GXYLT1: variants seen among roughly 807,000 people sequenced by gnomAD.
GXYLT1 encodes the protein glucoside xylosyltransferase 1.
A neutral mutation model predicts 54.0 loss-of-function variants in GXYLT1; 29 were observed. The ratio of observed to expected loss-of-function variants is 0.54; its 90% CI spans 0.40 to 0.73. GXYLT1 has a LOEUF of 0.73. GXYLT1 is among the 30% of genes least tolerant of loss of function. GXYLT1 has a pLI of 0.00. For missense variants in GXYLT1, 490 were observed against 553.4 expected (o/e 0.89, Z 1.15); for synonymous variants, 176 against 204.1 (o/e 0.86, Z 1.17).
chr12:42,101,305 A>G (rs2065388711), intron 5 of GXYLT1, among the ~76,000 whole-genome samples: 2 of 152,202 alleles, frequency 1.3e-5, no homozygotes, highest in Non-Finnish European at 2.9e-5. Context: ...AATTATAAGA[A>G]AAGATTTTTA....
At chr12:42,100,156 G>A (rs1234199929) in intron 5 of GXYLT1, among the ~76,000 whole-genome samples, 1 of 152,138 alleles carries the variant, frequency 6.6e-6, no homozygotes, top group East Asian at 1.9e-4. Flanking sequence ...GTTGGAAGGG[G>A]TAGAAGTGAA....
At chr12:42,134,190 G>C (rs535904110) in intron 1 of GXYLT1, among the ~76,000 whole-genome samples, 10 of 152,008 alleles carry the variant, frequency 6.6e-5, no homozygotes, top group African/African-American at 1.9e-4. Context: ...AACAGAGTGA[G>C]ACCCTCTCTG....
chr12:42,129,656 TATA>T, intron 2 of GXYLT1, 100 bp downstream of exon 2: 1 of 696,400 alleles, frequency 1.4e-6, no homozygotes, highest in Non-Finnish European at 2.4e-6. Flanking sequence ...AAATTATTTG[TATA>T]ATATCATAAG....
intron 2 of GXYLT1, among the ~76,000 whole-genome samples, chr12:42,120,207 T>C (rs910561759): frequency 5.9e-5 from 9 of 152,156 alleles, no homozygotes; most frequent in Admixed American, 1.3e-4. Flanking sequence ...CAACCAACAG[T>C]TCACTGTAAA....
chr12:42,107,583 C>T (rs777539538), intron 4 of GXYLT1, among the ~76,000 whole-genome samples: 6 of 151,924 alleles, frequency 3.9e-5, no homozygotes, highest in East Asian at 1.9e-4. Flanking sequence ...CCAAGCTACT[C>T]GGGAGGCTGG....
At chr12:42,137,220 A>C (rs2065624681) in intron 1 of GXYLT1, among the ~76,000 whole-genome samples, 1 of 152,202 alleles carries the variant, frequency 6.6e-6, no homozygotes, top group South Asian at 2.1e-4. Context: ...TAAAAATACA[A>C]AAATTAGGCC....
At chr12:42,093,771 T>TC (rs1476319981) in intron 7 of GXYLT1, among the ~76,000 whole-genome samples, 4 of 151,826 alleles carry the variant, frequency 2.6e-5, no homozygotes, top group Non-Finnish European at 5.9e-5. Context: ...GGTCTTGAAT[T>TC]CCTGAGCTTG....
intron 3 of GXYLT1, among the ~76,000 whole-genome samples, chr12:42,112,382 TA>T (rs1019354400): frequency 6.6e-6 from 1 of 151,882 alleles, no homozygotes; most frequent in Non-Finnish European, 1.5e-5. Context: ...GCAAAGAAAT[TA>T]AAAGCTTTGA....
chr12:42,110,564 A>C (rs2065447263), intron 3 of GXYLT1, among the ~76,000 whole-genome samples: 1 of 152,074 alleles, frequency 6.6e-6, no homozygotes, highest in African/African-American at 2.4e-5. Context: ...TATTGTTTTG[A>C]GACAAGGTCT....
chr12:42,137,120 T>C (rs1191022700), intron 1 of GXYLT1, among the ~76,000 whole-genome samples: 2 of 152,002 alleles, frequency 1.3e-5, no homozygotes, highest in Non-Finnish European at 2.9e-5. Flanking sequence ...ATGTCCAAGA[T>C]AGGAGGCTTC....
At chr12:42,122,559 C>A (rs2065537416) in intron 2 of GXYLT1, among the ~76,000 whole-genome samples, 1 of 152,170 alleles carries the variant, frequency 6.6e-6, no homozygotes, top group Non-Finnish European at 1.5e-5. Flanking sequence ...CATTGCACTA[C>A]AGTCTGGGCA....
rs990611255 is a variant in GXYLT1, at chr12:42,137,040, T to C, written c.222-7189A>G. Among the ~76,000 whole-genome samples, 9 of 152,218 alleles carry C rather than the reference T, an allele frequency of 5.9e-5. No homozygotes were observed. In the South Asian group the frequency reaches 1.9e-3, roughly 32 times the overall value. On this transcript the variant is annotated intron_variant, in intron 1 of 7. Coordinates refer to ENST00000398675, the MANE Select transcript of GXYLT1 (RefSeq NM_173601.2). ...ACCCACCTTTGCCTCCCTGCTAGGA[T>C]TACAGGTACGAGCCACCATGCCTGG...
rs1260568083 is a variant in GXYLT1, at chr12:42,083,145, GTCTT to G, written c.*4637_*4640del. 3 of 151,848 alleles carry G rather than the reference GTCTT, an allele frequency of 2.0e-5. No homozygotes were observed. The highest frequency in any genetic ancestry group is 1.5e-5 in the Non-Finnish European group (1 of 67,988). The allele number at this position is 151,848 out of a possible 1,614,324, so 9.4% of individuals were successfully genotyped here. On this transcript the variant is annotated 3_prime_UTR_variant, in exon 8 of 8. Coordinates refer to ENST00000398675, the MANE Select transcript of GXYLT1 (RefSeq NM_173601.2). The stretch of plus-strand genomic sequence containing the variant: ...ATATGCTATTCTGTTTTTCTCATGA[GTCTT>G]TAATTGCTGGATATTTGAATAACAC...
rs1177823884 is a variant in GXYLT1 at position 42,085,664 on chromosome 12, A to G, written c.*2122T>C. 1 of 152,180 alleles carries G rather than the reference A, an allele frequency of 6.6e-6. No individual in the cohort carries two copies. The highest frequency in any genetic ancestry group is 2.4e-5 in the African/African-American group (1 of 41,432). 9.4% of individuals were successfully genotyped at this position (152,180 alleles called of 1,614,324 possible). ...TAAAAACGAAATCATCATGTGACTTATATTCTGTTGATTCTAACAAACCAA... is the reference window on the plus strand; with the variant it reads ...TAAAAACGAAATCATCATGTGACTTGTATTCTGTTGATTCTAACAAACCAA... On this transcript the variant is annotated 3_prime_UTR_variant, in exon 8 of 8. Coordinates refer to ENST00000398675, the MANE Select transcript of GXYLT1 (RefSeq NM_173601.2).
intron 3 of GXYLT1, among the ~76,000 whole-genome samples, chr12:42,117,117 G>T (rs1322013763): frequency 1.4e-5 from 2 of 147,788 alleles, no homozygotes; most frequent in Non-Finnish European, 3.0e-5. Flanking sequence ...ATCACACATC[G>T]GGGACTGTTG....
At chr12:42,110,402 C>T (rs1023536555) in intron 3 of GXYLT1, among the ~76,000 whole-genome samples, 1 of 152,140 alleles carries the variant, frequency 6.6e-6, no homozygotes, top group Admixed American at 6.5e-5. Context: ...GGGGAAAAAA[C>T]TAAGTAGTTT....
chr12:42,116,552 G>GAAAT, intron 3 of GXYLT1, among the ~76,000 whole-genome samples: 1 of 152,322 alleles, frequency 6.6e-6, no homozygotes, highest in African/African-American at 2.4e-5. Flanking sequence ...GGCCATCAGA[G>GAAAT]AAATGCAAAT....
Position 42,087,905 on chromosome 12 carries a change from A to C in GXYLT1, c.1204T>G (p.Leu402Val), listed in dbSNP as rs751301325. The C allele has an allele frequency of 6.3e-7, 1 of 1,586,414 alleles. No individual in the cohort carries two copies. Among genetic ancestry groups the C allele is most frequent in the African/African-American group, 1.4e-5 (1 of 73,894 alleles). The change falls in exon 8 of 8, where the codon TTA (leucine) becomes GTA (valine). Residue 402 changes from leucine to valine, a missense_variant. Physicochemically the swap from Leu to Val is conservative, Grantham distance 32 (BLOSUM62 1). Transcript: ENST00000398675. ...ACTGTTTTTTGTAGTTCCAGTTCTA[A>C]AGGTTTTAATAAGGAACGGATGTTG... ...DDNIRSLLKP[L>V]ELELQKTVHT... is the part of the protein sequence containing the mutation.
At position 42,119,025 on chromosome 12, in the gene GXYLT1, T is replaced by C; in HGVS notation, c.461A>G (p.Gln154Arg). Residue 154 changes from glutamine to arginine, a missense_variant, in exon 3 of 8, where the codon CAG becomes CGG. Gln to Arg is a conservative substitution (Grantham distance 43, BLOSUM62 1). Coordinates refer to ENST00000398675, the MANE Select transcript of GXYLT1 (RefSeq NM_173601.2). ...PLQFHIFAED[Q>R]LHHSFKGRLD... is the part of the protein sequence containing the mutation. Reference sequence around the variant, plus strand: ...TCTGCCTTTAAAGCTATGATGTAGCTGATCTTCAGCAAAAATATGGAATTG... The same window carrying C: ...TCTGCCTTTAAAGCTATGATGTAGCCGATCTTCAGCAAAAATATGGAATTG... 6.2e-7 allele frequency: 1 copy of C among 1,614,030 alleles called. No individual in the cohort carries two copies. The highest frequency in any genetic ancestry group is 1.1e-5 in the South Asian group (1 of 91,076).
Sources: allele counts gnomAD v4.1 joint callset (sites outside exome capture counted in the v4.1 genomes callset), GRCh38; gene constraint gnomAD v4.1.1; transcripts MANE v1.5; gene names NCBI Gene and HGNC (gene_info 2026-07-23, HGNC 2026-07-21).